Variants in MYO16 observed in about 807,000 individuals in gnomAD.
MYO16 encodes unconventional myosin-XVI.
In MYO16, 94 loss-of-function variants were observed where a neutral mutation model predicts 205.3. That is an observed-to-expected ratio of 0.46 (90% confidence interval 0.39 to 0.54). The LOEUF (loss-of-function observed/expected upper bound fraction) is 0.54, where lower values mean the gene tolerates loss of function less well. Ranked by LOEUF, MYO16 falls within the 20% of genes least tolerant of loss-of-function variation. The pLI, the probability that MYO16 is intolerant of heterozygous loss-of-function variation, is 0.00. For synonymous variants in MYO16, 988 were observed against 954.0 expected (o/e 1.04, Z -0.66); for missense variants, 2,315 against 2,387.5 (o/e 0.97, Z 0.63).
chr13:108,727,858 G>T (rs542030603), intron 4 of MYO16, among the ~76,000 whole-genome samples: 1 of 152,240 alleles, frequency 6.6e-6, no homozygotes, highest in East Asian at 1.9e-4. Flanking sequence ...AACTAAAATG[G>T]TTTGATAATT....
chr13:108,712,225 AG>A (rs2139548170), intron 2 of MYO16, among the ~76,000 whole-genome samples: 2 of 152,352 alleles, frequency 1.3e-5, no homozygotes, highest in South Asian at 4.1e-4. Flanking sequence ...CACCAGTGGA[AG>A]GTTAATGTGC....
intron 1 of MYO16, 109 bp downstream of exon 1, chr13:108,629,981 G>A: frequency 1.1e-6 from 1 of 870,586 alleles, no homozygotes. Context: ...ATTCAGATGA[G>A]TGACATAGAC....
chr13:108,615,334 C>A (rs1243170496), intron 1 of MYO16, among the ~76,000 whole-genome samples: 3 of 152,034 alleles, frequency 2.0e-5, no homozygotes, highest in Admixed American at 6.6e-5. Flanking sequence ...GAAATTGAAA[C>A]CCTAATACAC....
At position 108,899,433 on chromosome 13, in the gene MYO16, AAAAG is replaced by A. The variant is rs547895425; in HGVS notation, c.1777+1312_1777+1315del. Among the ~76,000 whole-genome samples, 141 of 152,290 alleles carry A rather than the reference AAAAG, an allele frequency of 9.3e-4. 1 individual carries two copies. The highest frequency in any genetic ancestry group is 3.2e-3 in the Admixed American group (49 of 15,298). ...AGCCAAACTCCATCTCAAAAAAAAA[AAAAG>A]AAAGAAAGAAAAGATGCTTTTAGAT... On this transcript the variant is annotated intron_variant, in intron 15 of 34. Coordinates refer to ENST00000457511, the MANE Select transcript of MYO16 (RefSeq NM_001198950.3).
intron 15 of MYO16, among the ~76,000 whole-genome samples, chr13:108,901,538 T>C (rs1312104713): frequency 6.6e-6 from 1 of 152,220 alleles, no homozygotes; most frequent in Non-Finnish European, 1.5e-5. Flanking sequence ...ACTGTGACCG[T>C]AAATTCAATA....
At chr13:108,931,875 T>C (rs1882272587) in intron 16 of MYO16, among the ~76,000 whole-genome samples, 1 of 152,216 alleles carries the variant, frequency 6.6e-6, no homozygotes, top group East Asian at 1.9e-4. Flanking sequence ...GTTCGAAAAA[T>C]TGTTGGCCAT....
At chr13:108,752,405 T>C (rs183755323) in intron 4 of MYO16, among the ~76,000 whole-genome samples, 1 of 152,288 alleles carries the variant, frequency 6.6e-6, no homozygotes, top group East Asian at 1.9e-4. Context: ...GGGCACAGAT[T>C]CGTACAAAGG....
rs924398451 is a variant in MYO16, at chr13:108,692,994, C to T, written c.293-19667C>T. Among the ~76,000 whole-genome samples the T allele has an allele frequency of 2.0e-5, 3 of 152,070 alleles. No individual in the cohort carries two copies. In the South Asian group the frequency reaches 6.2e-4, roughly 31 times the overall value. ...ATATCTTGCATGTCAGAAAAAAATTCCAGATGAATATTATACAGATAAGAA... is the reference window on the plus strand; with the variant it reads ...ATATCTTGCATGTCAGAAAAAAATTTCAGATGAATATTATACAGATAAGAA... On this transcript the variant is annotated intron_variant, in intron 2 of 34. Coordinates refer to ENST00000457511, the MANE Select transcript of MYO16 (RefSeq NM_001198950.3).
At chr13:108,956,738 C>T (rs764467630) in intron 16 of MYO16, among the ~76,000 whole-genome samples, 2 of 152,144 alleles carry the variant, frequency 1.3e-5, no homozygotes, top group Non-Finnish European at 2.9e-5. Context: ...CACAGCCTGC[C>T]TTTCGCCACT....
the MYO16 span, among the ~76,000 whole-genome samples, chr13:108,538,150 C>A: frequency 1.3e-5 from 2 of 151,888 alleles, no homozygotes; most frequent in African/African-American, 4.8e-5. Context: ...TTTCTATTAG[C>A]ACAAAATATA....
At chr13:108,566,146 A>C in the MYO16 span, among the ~76,000 whole-genome samples, 2 of 152,274 alleles carry the variant, frequency 1.3e-5, no homozygotes, top group East Asian at 1.9e-4. Flanking sequence ...CAGTGAAGCC[A>C]TCAGGTCCTG....
chr13:108,884,401 G>A (rs977835721), intron 13 of MYO16, among the ~76,000 whole-genome samples: 7 of 151,346 alleles, frequency 4.6e-5, no homozygotes, highest in Admixed American at 1.3e-4. Context: ...CAGGGGCTTC[G>A]ACACATTCTA....
chr13:108,540,357 C>T, the MYO16 span, among the ~76,000 whole-genome samples: 1 of 152,074 alleles, frequency 6.6e-6, no homozygotes, highest in Non-Finnish European at 1.5e-5. Context: ...AGAACAGTGG[C>T]TCTTGTGTCA....
intron 32 of MYO16, among the ~76,000 whole-genome samples, chr13:109,145,370 GA>G (rs35190969): frequency 0.017 from 2,561 of 149,402 alleles, 66 homozygotes; most frequent in African/African-American, 0.058. Flanking sequence ...AAAAGAGACA[GA>G]AAAAAAAAAA....
intron 27 of MYO16, among the ~76,000 whole-genome samples, chr13:109,059,661 C>A (rs1333389402): frequency 6.6e-6 from 1 of 152,028 alleles, no homozygotes; most frequent in Non-Finnish European, 1.5e-5. Flanking sequence ...GGATGTTAGA[C>A]CTTTGTGAGA....
chr13:109,083,672 G>A (rs960838100), intron 27 of MYO16, among the ~76,000 whole-genome samples: 2 of 152,074 alleles, frequency 1.3e-5, no homozygotes, highest in African/African-American at 4.8e-5. Flanking sequence ...GGCTGGATAC[G>A]TTTCCAATAA....
intron 17 of MYO16, among the ~76,000 whole-genome samples, chr13:108,960,053 G>C (rs1317979012): frequency 6.6e-6 from 1 of 151,642 alleles, no homozygotes; most frequent in East Asian, 1.9e-4. Flanking sequence ...TGAGCGGATT[G>C]CTTGAGGCCA....
At chr13:108,935,586 T>A (rs79011359) in intron 16 of MYO16, among the ~76,000 whole-genome samples, 2 of 152,302 alleles carry the variant, frequency 1.3e-5, no homozygotes, top group East Asian at 3.9e-4. Flanking sequence ...TGACTTCTTC[T>A]TTTCCAACTT....
chr13:108,774,287 T>G (rs1489952391), intron 4 of MYO16, among the ~76,000 whole-genome samples: 1 of 152,220 alleles, frequency 6.6e-6, no homozygotes, highest in Admixed American at 6.5e-5. Flanking sequence ...AAATTAAATT[T>G]CCATTTGTAG....
Sources: gnomAD v4.1 joint callset for allele counts (sites outside exome capture counted in the v4.1 genomes callset) on GRCh38, gnomAD v4.1.1 for gene constraint, MANE v1.5 for transcripts, NCBI Gene and HGNC (gene_info 2026-07-23, HGNC 2026-07-21) for gene names.